Variants in LMNTD1 observed in about 807,000 individuals in gnomAD.
LMNTD1 encodes the protein lamin tail domain containing 1.
In LMNTD1, 35 loss-of-function variants were observed where a neutral mutation model predicts 50.9. That is an observed-to-expected ratio of 0.69 (90% CI 0.53 to 0.91). The LOEUF (loss-of-function observed/expected upper bound fraction) is 0.91. Among genes scored for constraint, LMNTD1 ranks in the 40% least tolerant of loss-of-function variants. The pLI, the probability that LMNTD1 is intolerant of heterozygous loss-of-function variation, is 0.00. For synonymous variants in LMNTD1, 153 were observed against 161.9 expected, an observed-to-expected ratio of 0.94 and a Z score of 0.42; for missense variants, 470 against 475.5, an observed-to-expected ratio of 0.99 and a Z score of 0.11.
chr12:25,583,670 C>T (rs1051430867), intron 1 of LMNTD1, among the ~76,000 whole-genome samples: 5 of 152,110 alleles, frequency 3.3e-5, no homozygotes, highest in African/African-American at 1.2e-4. Context: ...GTAGAGGGAG[C>T]CACAAGTGCA....
intron 8 of LMNTD1, among the ~76,000 whole-genome samples, chr12:25,506,671 G>C (rs1340554172): frequency 6.6e-6 from 1 of 150,824 alleles, no homozygotes; most frequent in African/African-American, 2.4e-5. Flanking sequence ...ACTCCTTCGT[G>C]CTGTACTCAG....
intron 6 of LMNTD1, among the ~76,000 whole-genome samples, chr12:25,524,869 C>A (rs1243524637): frequency 2.6e-5 from 4 of 152,126 alleles, no homozygotes; most frequent in African/African-American, 9.7e-5. Context: ...GTGAAGGCTG[C>A]TAAGTTATAT....
At position 25,519,587 on chromosome 12, in the gene LMNTD1, C is replaced by CAAAAAAAAAA. The variant is rs58304861; in HGVS notation, c.1016+261_1016+270dup. ...TGGGTGACAGAGCGAGACTCTGTCT[C>CAAAAAAAAAA]AAAAAAAAAAAAAAAAAAAAAGTGA... On this transcript the variant is annotated intron_variant, in intron 7 of 9. Coordinates refer to ENST00000458174, the MANE Select transcript of LMNTD1 (RefSeq NM_001145728.2). Among the ~76,000 whole-genome samples, 106 of 94,684 alleles carry CAAAAAAAAAA rather than the reference C, an allele frequency of 1.1e-3. 4 individuals carry two copies. Among genetic ancestry groups the CAAAAAAAAAA allele is most frequent in the African/African-American group, 3.3e-3 (65 of 19,938 alleles). The allele number at this position is 94,684 out of a possible 152,430, so 62.1% of individuals were successfully genotyped here.
intron 1 of LMNTD1, among the ~76,000 whole-genome samples, chr12:25,576,335 C>T (rs1452576069): frequency 6.6e-6 from 1 of 152,240 alleles, no homozygotes; most frequent in Non-Finnish European, 1.5e-5. Flanking sequence ...TATTTCTCCA[C>T]ATCCTCTCCA....
Position 25,518,896 on chromosome 12 carries a change from T to G in LMNTD1, c.1088A>C (p.His363Pro). ...PWCQNPYVSA[H>P]PYCPLIEPHN... The stretch of plus-strand genomic sequence containing the variant: ...TGGTTCAATCAGAGGACAGTAAGGA[T>G]GTGCAGAGACATAGGGATTCTGGCA... The change falls in exon 8 of 10, where the codon CAT becomes CCT. Residue 363 changes from histidine (H) to proline (P), a missense_variant. Coordinates refer to ENST00000458174, the MANE Select transcript of LMNTD1 (RefSeq NM_001145728.2). 1 of 1,614,088 alleles carries G rather than the reference T, an allele frequency of 6.2e-7. No homozygotes were observed. The highest frequency in any genetic ancestry group is 8.5e-7 in the Non-Finnish European group (1 of 1,179,988).
At chr12:25,514,144 G>A (rs188378287) in intron 8 of LMNTD1, among the ~76,000 whole-genome samples, 238 of 152,176 alleles carry the variant, frequency 1.6e-3, no homozygotes, top group African/African-American at 5.5e-3. Context: ...GAATGATTAC[G>A]TACCAATAAC....
chr12:25,528,037 C>A (rs574194296), intron 4 of LMNTD1, among the ~76,000 whole-genome samples: 2 of 151,790 alleles, frequency 1.3e-5, no homozygotes, highest in Non-Finnish European at 2.9e-5. Flanking sequence ...TCTAAAATTT[C>A]CTTTCCTAAA....
intron 9 of LMNTD1, among the ~76,000 whole-genome samples, chr12:25,501,370 A>G (rs937938493): frequency 2.6e-5 from 4 of 152,172 alleles, no homozygotes; most frequent in African/African-American, 7.2e-5. Context: ...TAGAACCTAA[A>G]TCTTTCTTGC....
intron 6 of LMNTD1, 148 bp downstream of exon 6, chr12:25,525,950 TA>T: frequency 2.2e-6 from 1 of 462,054 alleles, no homozygotes; most frequent in Non-Finnish European, 3.5e-6. Context: ...AACCTGACAA[TA>T]AAATAATCTT....
chr12:25,646,024 G>C (rs572470577), intron 1 of LMNTD1, among the ~76,000 whole-genome samples: 7 of 152,072 alleles, frequency 4.6e-5, no homozygotes, highest in Admixed American at 2.0e-4. Flanking sequence ...TCCTGGGTTG[G>C]TTATTGCATT....
At chr12:25,514,143 C>G (rs1705407) in intron 8 of LMNTD1, among the ~76,000 whole-genome samples, 3,471 of 152,184 alleles carry the variant, frequency 0.023, 189 homozygotes, top group East Asian at 0.19. Flanking sequence ...AGAATGATTA[C>G]GTACCAATAA....
rs544545605 is a variant in LMNTD1, at chr12:25,579,270, G to T, written c.59-32716C>A. Among the ~76,000 whole-genome samples, 14 of 152,182 alleles carry T rather than the reference G, an allele frequency of 9.2e-5. No homozygotes were observed. In the East Asian group the frequency reaches 2.7e-3, roughly 29 times the overall value. ...GTTGCATCTGTACTGAACATGTACA[G>T]ACTTTTTTCTTACTATTATTACCTA... On this transcript the variant is annotated intron_variant, in intron 1 of 7. Transcript: ENST00000445693.
rs185867287 is a variant in LMNTD1, at chr12:25,617,421, G to T, written c.58+31073C>A. On this transcript the variant is annotated intron_variant, in intron 1 of 7. Coordinates refer to the LMNTD1 transcript ENST00000445693. ...GCAGGTGTCTACTGTAGACAAGAGGGGGATGTGATCTCTTGGACAAGTGGA... is the reference window on the plus strand; with the variant it reads ...GCAGGTGTCTACTGTAGACAAGAGGTGGATGTGATCTCTTGGACAAGTGGA... 2.1e-3 allele frequency among the ~76,000 whole-genome samples: 327 copies of T among 152,272 alleles called. 2 individuals are homozygous for T. The highest frequency in any genetic ancestry group is 7.2e-3 in the African/African-American group (301 of 41,552).
chr12:25,605,834 T>A (rs540110227), intron 1 of LMNTD1, among the ~76,000 whole-genome samples: 2 of 152,338 alleles, frequency 1.3e-5, no homozygotes, highest in East Asian at 3.9e-4. Flanking sequence ...TTTGGTTCCA[T>A]ATGAACTTTA....
chr12:25,535,886 T>C (rs1299567295), intron 4 of LMNTD1, among the ~76,000 whole-genome samples: 2 of 152,024 alleles, frequency 1.3e-5, no homozygotes, highest in African/African-American at 4.8e-5. Context: ...TATGGAAAAA[T>C]ATATACCATG....
rs1943431834 is a variant in LMNTD1, at chr12:25,546,390, C to T, written c.475G>A (p.Gly159Ser). Residue 159 changes from glycine to serine, a missense_variant, in exon 4 of 10, where the codon GGC (glycine) becomes AGC (serine). Coordinates refer to ENST00000458174, the MANE Select transcript of LMNTD1 (RefSeq NM_001145728.2). ...KYFSMILEEVGQFTSSSLGDV... is the reference protein window; with the variant it reads ...KYFSMILEEVSQFTSSSLGDV... Reference sequence around the variant, plus strand: ...AATATGTACCTGGAGGTAAATTGGCCAACTTCTTCAAGAATCATAGAAAAG... The same window carrying T: ...AATATGTACCTGGAGGTAAATTGGCTAACTTCTTCAAGAATCATAGAAAAG... 1 of 1,580,424 alleles carries T rather than the reference C, an allele frequency of 6.3e-7. No homozygotes were observed. The highest frequency in any genetic ancestry group is 1.8e-5 in the Admixed American group (1 of 56,980).
intron 4 of LMNTD1, among the ~76,000 whole-genome samples, chr12:25,542,561 G>A: frequency 7.9e-6 from 1 of 127,358 alleles, no homozygotes. Context: ...TTACACTCTG[G>A]GGACTGTTGT....
At chr12:25,615,436 C>A (rs1311798132) in intron 1 of LMNTD1, among the ~76,000 whole-genome samples, 3 of 151,792 alleles carry the variant, frequency 2.0e-5, no homozygotes, top group Admixed American at 1.3e-4. Flanking sequence ...TATAGCAGAA[C>A]CATATCCTTT....
At chr12:25,564,169 C>T (rs980125007) in intron 1 of LMNTD1, among the ~76,000 whole-genome samples, 5 of 152,166 alleles carry the variant, frequency 3.3e-5, no homozygotes, top group Non-Finnish European at 7.3e-5. Flanking sequence ...GTGAGATGAA[C>T]CCGGTACCTC....
Sources: allele counts gnomAD v4.1 joint callset (sites outside exome capture counted in the v4.1 genomes callset), GRCh38; gene constraint gnomAD v4.1.1; transcripts MANE v1.5; gene names NCBI Gene and HGNC (gene_info 2026-07-23, HGNC 2026-07-21).